Variants in WDR49 observed in about 807,000 individuals in gnomAD.
WDR49 encodes the protein cilia- and flagella-associated protein 337.
Under a neutral mutation model 119.5 loss-of-function variants are expected in WDR49, and 107 were observed. The observed-to-expected ratio is 0.90, with a 90% confidence interval of 0.77 to 1.05. The LOEUF is 1.05. Among genes scored for constraint, WDR49 ranks in the 50% least tolerant of loss-of-function variants. The probability of loss-of-function intolerance (pLI) is 0.00; values close to 1 mark genes in which losing one functional copy is unlikely to be tolerated. For synonymous variants in WDR49, 425 were observed against 418.8 expected, an observed-to-expected ratio of 1.01 and a Z score of -0.18; for missense variants, 1,240 against 1,220.5, an observed-to-expected ratio of 1.02 and a Z score of -0.24.
intron 18 of WDR49, among the ~76,000 whole-genome samples, chr3:167,489,983 G>A (rs1751069861): frequency 6.6e-6 from 1 of 152,066 alleles, no homozygotes; most frequent in Non-Finnish European, 1.5e-5. Context: ...GGTGGGTCCT[G>A]AGATGCTGCA....
intron 8 of WDR49, among the ~76,000 whole-genome samples, chr3:167,571,271 A>C (rs114246855): frequency 0.022 from 3,295 of 152,198 alleles, 78 homozygotes; most frequent in Non-Finnish European, 0.024. Context: ...CCCCACAGAG[A>C]ATCTCAGGAG....
At chr3:167,615,763 C>T (rs1338889841) in intron 5 of WDR49, among the ~76,000 whole-genome samples, 1 of 152,170 alleles carries the variant, frequency 6.6e-6, no homozygotes, top group Non-Finnish European at 1.5e-5. Flanking sequence ...TATTAAAATA[C>T]AGCTCAGTTT....
intron 10 of WDR49, among the ~76,000 whole-genome samples, chr3:167,551,255 T>G (rs1712547670): frequency 6.6e-6 from 1 of 151,972 alleles, no homozygotes; most frequent in Admixed American, 6.6e-5. Flanking sequence ...ACAGGAATCA[T>G]GATTCTTTAC....
At chr3:167,582,792 C>T (rs954699406) in intron 7 of WDR49, among the ~76,000 whole-genome samples, 3 of 151,964 alleles carry the variant, frequency 2.0e-5, no homozygotes, top group Non-Finnish European at 2.9e-5. Context: ...ACTAAAACTA[C>T]AAAAAAGTAG....
chr3:167,577,323 G>A (rs1714300669), intron 7 of WDR49, among the ~76,000 whole-genome samples: 1 of 152,036 alleles, frequency 6.6e-6, no homozygotes, highest in African/African-American at 2.4e-5. Context: ...CTGAGGGAGT[G>A]AAAAACCTCT....
At chr3:167,633,417 A>G (rs1361617533) in intron 2 of WDR49, 1 of 455,848 alleles carries the variant, frequency 2.2e-6, no homozygotes. Context: ...ACCTGTTCCC[A>G]GAACCATGGC....
At chr3:167,538,351 C>T (rs1000585001) in intron 10 of WDR49, among the ~76,000 whole-genome samples, 4 of 152,088 alleles carry the variant, frequency 2.6e-5, no homozygotes, top group African/African-American at 9.7e-5. Flanking sequence ...AACATTCCAG[C>T]CTCTTTGGGT....
chr3:167,598,776 A>T (rs1022756952), intron 7 of WDR49, among the ~76,000 whole-genome samples: 1 of 152,216 alleles, frequency 6.6e-6, no homozygotes, highest in African/African-American at 2.4e-5. Context: ...GAGTGTTGTG[A>T]TATAGGTGTA....
Position 167,653,277 on chromosome 3 carries a change from AT to A in WDR49, c.148del (p.Ile50TyrfsTer25), listed in dbSNP as rs1398136446. 3.9e-6 allele frequency: 6 copies of A among 1,536,012 alleles called. No individual in the cohort carries two copies. The highest frequency in any genetic ancestry group is 5.2e-6 in the Non-Finnish European group (6 of 1,146,890). On this transcript the variant is annotated frameshift_variant, in exon 2 of 19. Coordinates refer to ENST00000682715, the MANE Select transcript of WDR49 (RefSeq NM_001366157.1). LOFTEE classifies it high-confidence loss of function. ...NQLSVGDFVK[I>X]QKAFESPQPR... ...CACACTTACCTCAAAGGCCTTCTGTATTTTTACAAAGTCACCCACGCTGAGT... is the reference window on the plus strand; with the variant it reads ...CACACTTACCTCAAAGGCCTTCTGTATTTTACAAAGTCACCCACGCTGAGT...
At chr3:167,597,890 C>T (rs1360966073) in intron 7 of WDR49, among the ~76,000 whole-genome samples, 2 of 152,150 alleles carry the variant, frequency 1.3e-5, no homozygotes. Flanking sequence ...CATTTGCAGG[C>T]TCATAGGCAG....
At chr3:167,579,896 T>C (rs182045684) in intron 7 of WDR49, among the ~76,000 whole-genome samples, 5 of 152,230 alleles carry the variant, frequency 3.3e-5, no homozygotes, top group African/African-American at 9.6e-5. Context: ...TTCTAAGAAA[T>C]AGAAACTAAC....
At chr3:167,640,695 C>T (rs1008925073) in intron 2 of WDR49, among the ~76,000 whole-genome samples, 1 of 151,696 alleles carries the variant, frequency 6.6e-6, no homozygotes, top group African/African-American at 2.4e-5. Flanking sequence ...CAAGAAAGAA[C>T]AGGGATCAAG....
At chr3:167,566,771 T>C in intron 8 of WDR49, 3 of 572,804 alleles carry the variant, frequency 5.2e-6, no homozygotes, top group Non-Finnish European at 9.3e-6. Flanking sequence ...TACAACAAAG[T>C]AAGCTAGAGA....
chr3:167,503,806 A>G (rs1345503422), intron 17 of WDR49, among the ~76,000 whole-genome samples: 4 of 152,192 alleles, frequency 2.6e-5, no homozygotes, highest in African/African-American at 9.7e-5. Flanking sequence ...ATAGAGTGAA[A>G]GCAGAGCTCC....
At chr3:167,600,561 C>T (rs1001747359) in intron 7 of WDR49, among the ~76,000 whole-genome samples, 2 of 152,200 alleles carry the variant, frequency 1.3e-5, no homozygotes, top group African/African-American at 4.8e-5. Flanking sequence ...ATTGGTGGGG[C>T]TTTCTATCCC....
chr3:167,625,787 A>G (rs962776229), intron 3 of WDR49, among the ~76,000 whole-genome samples: 2 of 152,170 alleles, frequency 1.3e-5, no homozygotes, highest in African/African-American at 4.8e-5. Context: ...CCAATTCACT[A>G]GAAAAATCAG....
intron 5 of WDR49, among the ~76,000 whole-genome samples, chr3:167,619,250 A>G (rs1716748900): frequency 6.6e-6 from 1 of 152,154 alleles, no homozygotes; most frequent in South Asian, 2.1e-4. Flanking sequence ...GAATACAAAT[A>G]AAAGAATACA....
At chr3:167,532,843 C>T in intron 12 of WDR49, 36 bp downstream of exon 12, 1 of 1,509,002 alleles carries the variant, frequency 6.6e-7, no homozygotes, top group Non-Finnish European at 9.2e-7. Context: ...TGTGATTTGA[C>T]TAGCCATGTT....
At chr3:167,643,841 T>C (rs935687916) in intron 2 of WDR49, among the ~76,000 whole-genome samples, 6 of 152,038 alleles carry the variant, frequency 3.9e-5, no homozygotes, top group Admixed American at 3.9e-4. Context: ...TTACTGATAA[T>C]AGCAAGTTTG....
Sources: gnomAD v4.1 joint callset for allele counts (sites outside exome capture counted in the v4.1 genomes callset) on GRCh38, gnomAD v4.1.1 for gene constraint, MANE v1.5 for transcripts, NCBI Gene and HGNC (gene_info 2026-07-23, HGNC 2026-07-21) for gene names.